The following DPP4 variants were observed in gnomAD, a reference collection of about 807,000 sequenced individuals.
The protein encoded by DPP4 is ADCP-2.
In DPP4, 93 loss-of-function variants were observed where a neutral mutation model predicts 122.4. The observed-to-expected ratio is 0.76, with a 90% CI of 0.64 to 0.90. DPP4 has a LOEUF of 0.90. DPP4 is among the 40% of genes least tolerant of loss of function. DPP4 has a pLI of 0.00. For missense variants in DPP4, 914 were observed against 907.3 expected, an observed-to-expected ratio of 1.01 and a Z score of -0.09; for synonymous variants, 321 against 302.9, an observed-to-expected ratio of 1.06 and a Z score of -0.62.
chr2:161,993,487 A>C (rs889672713), intron 25 of DPP4, 103 bp from the exon 26 acceptor site: 1 of 781,962 alleles, frequency 1.3e-6, no homozygotes, highest in Non-Finnish European at 2.1e-6. Context: ...ACATGGTATA[A>C]AACAGAGTGT....
chr2:162,018,848 A>T lies in DPP4; in HGVS notation c.1301T>A (p.Ile434Asn), dbSNP rs774345369. 6.2e-7 allele frequency: 1 copy of T among 1,613,822 alleles called. No homozygotes were observed. Among genetic ancestry groups the T allele is most frequent in the Admixed American group, 1.7e-5 (1 of 59,934 alleles). The change falls in exon 16 of 26, where the codon ATC becomes AAC. Residue 434 changes from isoleucine to asparagine, a missense_variant and splice_region_variant. Transcript: ENST00000360534. ...CACTTTTGTATAGTCACTAAGTTGG[A>T]TTCTGTAAAACCAACGGTGGAAATT... ...GMPGGRNLYK[I>N]QLSDYTKVTC... is the part of the protein sequence containing the mutation.
At chr2:162,002,010 A>G (rs1047130836) in intron 23 of DPP4, among the ~76,000 whole-genome samples, 1 of 152,138 alleles carries the variant, frequency 6.6e-6, no homozygotes, top group Non-Finnish European at 1.5e-5. Flanking sequence ...ATTATCTTCA[A>G]AAAGAGTCTT....
chr2:162,061,686 TA>T (rs969310859), intron 2 of DPP4, among the ~76,000 whole-genome samples: 1 of 152,206 alleles, frequency 6.6e-6, no homozygotes, highest in African/African-American at 2.4e-5. Context: ...AAATGTTCAT[TA>T]AAAAAATTTT....
intron 2 of DPP4, among the ~76,000 whole-genome samples, chr2:162,055,796 T>C (rs1684553421): frequency 6.6e-6 from 1 of 152,230 alleles, no homozygotes; most frequent in African/African-American, 2.4e-5. Context: ...GACATAATCA[T>C]TTTCCAATGT....
chr2:162,057,086 T>TTA lies in DPP4; in HGVS notation c.95-9586_95-9585insTA, dbSNP rs1230203162. ...AGCACCCATTCCCTAGGTCCCTGCCTGCCAAATCATCCTTAAAAACCCTAA... is the reference window on the plus strand; with the variant it reads ...AGCACCCATTCCCTAGGTCCCTGCCTTAGCCAAATCATCCTTAAAAACCCTAA... On this transcript the variant is annotated intron_variant, in intron 2 of 25. Transcript: ENST00000360534. 4.3e-3 allele frequency among the ~76,000 whole-genome samples: 659 copies of TTA among 152,296 alleles called. 7 individuals carry two copies. Among genetic ancestry groups the TTA allele is most frequent in the African/African-American group, 0.015 (624 of 41,568 alleles).
Position 162,035,452 on chromosome 2 carries a change from C to T in DPP4, c.614-128G>A, listed in dbSNP as rs17848920. 1.7e-3 allele frequency: 1,274 copies of T among 743,494 alleles called. 16 individuals are homozygous for T. The East Asian group carries it at 0.031, about 18-fold the overall frequency. The allele number at this position is 743,494 out of a possible 1,614,324, so 46.1% of individuals were successfully genotyped here. The stretch of plus-strand genomic sequence containing the variant: ...CAACTAATGAACCACTTTGCATTTG[C>T]TGGGCTTCCAAAATCAGAGTAATAC... On this transcript the variant is annotated intron_variant, in intron 8 of 25. Transcript: ENST00000360534.
intron 2 of DPP4, among the ~76,000 whole-genome samples, chr2:162,065,637 G>A (rs1480595065): frequency 2.0e-5 from 3 of 152,158 alleles, no homozygotes; most frequent in African/African-American, 4.8e-5. Context: ...GGATGGACAC[G>A]GAGGTGCACT....
At chr2:162,025,749 TA>T (rs1347684167) in intron 10 of DPP4, among the ~76,000 whole-genome samples, 50 of 152,320 alleles carry the variant, frequency 3.3e-4, no homozygotes, top group African/African-American at 1.2e-3. Flanking sequence ...GGTTTTGGAT[TA>T]CTATTCACAA....
At chr2:162,013,341 A>G (rs535764276) in intron 19 of DPP4, among the ~76,000 whole-genome samples, 1 of 152,328 alleles carries the variant, frequency 6.6e-6, no homozygotes, top group South Asian at 2.1e-4. Flanking sequence ...TAGTGTCACG[A>G]ATGAATTGAC....
At chr2:162,066,014 G>A (rs1684934709) in intron 2 of DPP4, among the ~76,000 whole-genome samples, 1 of 152,160 alleles carries the variant, frequency 6.6e-6, no homozygotes. Flanking sequence ...TATGAAGTAG[G>A]AGGTGTTCCT....
intron 21 of DPP4, 103 bp downstream of exon 21, chr2:162,009,138 A>G: frequency 8.4e-7 from 1 of 1,192,946 alleles, no homozygotes; most frequent in Non-Finnish European, 1.2e-6. Flanking sequence ...GACTTGATAG[A>G]TGTGATTTTC....
At chr2:162,024,530 A>G (rs1255253938) in intron 11 of DPP4, among the ~76,000 whole-genome samples, 1 of 152,078 alleles carries the variant, frequency 6.6e-6, no homozygotes, top group South Asian at 2.1e-4. Flanking sequence ...ATCAGATTCT[A>G]TCTTGTGGTC....
chr2:162,050,159 T>A (rs899637365), intron 2 of DPP4, among the ~76,000 whole-genome samples: 7 of 152,230 alleles, frequency 4.6e-5, no homozygotes, highest in Admixed American at 3.9e-4. Flanking sequence ...ATTGCTTGTA[T>A]TCATCCAACC....
intron 23 of DPP4, among the ~76,000 whole-genome samples, chr2:161,997,516 T>C (rs566191547): frequency 1.3e-5 from 2 of 152,224 alleles, no homozygotes; most frequent in Non-Finnish European, 2.9e-5. Context: ...GATCAAGCAC[T>C]TGCAGTGTCC....
At chr2:162,018,102 T>A (rs182436747) in intron 16 of DPP4, among the ~76,000 whole-genome samples, 1 of 152,310 alleles carries the variant, frequency 6.6e-6, no homozygotes, top group African/African-American at 2.4e-5. Flanking sequence ...AATATACTAG[T>A]GAGGGAAGAC....
intron 10 of DPP4, 113 bp downstream of exon 10, chr2:162,033,428 G>C (rs1229877966): frequency 8.9e-6 from 6 of 674,340 alleles, no homozygotes; most frequent in Non-Finnish European, 1.5e-5. Flanking sequence ...ATGACTGTCA[G>C]CGGGGATGAC....
At chr2:162,065,047 G>A (rs1490091101) in intron 2 of DPP4, among the ~76,000 whole-genome samples, 2 of 152,184 alleles carry the variant, frequency 1.3e-5, no homozygotes, top group Non-Finnish European at 2.9e-5. Flanking sequence ...ATTCAACTTA[G>A]GTATTTGCCC....
At position 162,073,563 on chromosome 2, in the gene DPP4, C is replaced by T. The variant is rs1685200316; in HGVS notation, c.7-77G>A. On this transcript the variant is annotated intron_variant, in intron 1 of 25. Transcript: ENST00000360534. The stretch of plus-strand genomic sequence containing the variant: ...TTCCGTAGGAGGGTCGGGGCTGCTC[C>T]AGAGGCAGCAGGATTTGCAGGTGGG... The T allele has an allele frequency of 2.1e-6, 3 of 1,433,906 alleles. 1 individual carries two copies. Among genetic ancestry groups the T allele is most frequent in the Admixed American group, 3.4e-5 (2 of 58,582 alleles). 88.8% of individuals were successfully genotyped at this position (1,433,906 alleles called of 1,614,324 possible). A position where few individuals can be genotyped will look rare whatever the true frequency, so the allele number is the denominator to read the frequency against.
Position 161,992,893 on chromosome 2 carries a change from A to G in DPP4, c.*390T>C, listed in dbSNP as rs914166093. ...CTTATCCTGTCCCTGCCCTAGTGAC[A>G]TCACTGCCCACATCTTGCCATCCCT... is the stretch of plus-strand genomic sequence containing the variant. On this transcript the variant is annotated 3_prime_UTR_variant, in exon 26 of 26. Transcript: ENST00000360534. The G allele has an allele frequency of 5.0e-6, 1 of 201,438 alleles. No individual in the cohort carries two copies. The highest frequency in any genetic ancestry group is 2.3e-5 in the African/African-American group (1 of 43,046). The allele number at this position is 201,438 out of a possible 1,614,324, so 12.5% of individuals were successfully genotyped here.
Sources: allele counts gnomAD v4.1 joint callset (sites outside exome capture counted in the v4.1 genomes callset), GRCh38; gene constraint gnomAD v4.1.1; transcripts MANE v1.5; gene names NCBI Gene and HGNC (gene_info 2026-07-23, HGNC 2026-07-21).